The following TRMT5 variants were observed in gnomAD, a reference collection of about 807,000 sequenced individuals.
TRMT5 encodes the protein tRNA (guanine(37)-N(1))-methyltransferase.
TRMT5 carries 31 observed loss-of-function variants against 42.2 expected under a neutral mutation model. The observed-to-expected ratio is 0.73, with a 90% CI of 0.55 to 0.99. TRMT5 has a LOEUF of 0.99. Among genes scored for constraint, TRMT5 ranks in the 50% least tolerant of loss-of-function variants. The pLI is 0.00. For missense variants in TRMT5, 568 were observed against 595.0 expected, an observed-to-expected ratio of 0.95 and a Z score of 0.47; for synonymous variants, 198 against 209.6, an observed-to-expected ratio of 0.94 and a Z score of 0.48.
upstream of TRMT5, chr14:60,981,383 G>GT (rs748154891): frequency 1.1e-5 from 18 of 1,593,034 alleles, no homozygotes; most frequent in Non-Finnish European, 1.4e-5. Flanking sequence ...GCTAAGCAAC[G>GT]TAAGTGGGCT....
chr14:60,975,672 A>G lies in TRMT5; in HGVS notation c.1247T>C (p.Val416Ala), dbSNP rs766158548. Reference sequence around the variant, plus strand: ...ATCTTTGGAAAAGCTATAACAATGCACTATGGGAAGGAACTCACTGCTGCA... The same window carrying G: ...ATCTTTGGAAAAGCTATAACAATGCGCTATGGGAAGGAACTCACTGCTGCA... ...QPCSSEFLPI[V>A]HCYSFSKDAN... Residue 416 changes from valine (V) to alanine (A), a missense_variant, in exon 4 of 5, where the codon GTG (valine) becomes GCG (alanine). Physicochemically the swap from Val to Ala is moderately conservative, Grantham distance 64. Transcript: ENST00000261249. The G allele has an allele frequency of 4.3e-6, 7 of 1,614,234 alleles. No individual in the cohort carries two copies. The South Asian group carries it at 5.5e-5, about 13-fold the overall frequency.
At chr14:60,980,298 G>A (rs1183231952) in intron 1 of TRMT5, among the ~76,000 whole-genome samples, 1 of 152,194 alleles carries the variant, frequency 6.6e-6, no homozygotes, top group Non-Finnish European at 1.5e-5. Context: ...TGCTTATTGT[G>A]TCAGATACTG....
chr14:60,981,151 G>T (rs1410784474), upstream of TRMT5: 3 of 1,542,230 alleles, frequency 1.9e-6, no homozygotes, highest in Admixed American at 2.0e-5. Context: ...CTCCTTCCAG[G>T]CCCTGGTGAA....
intron 3 of TRMT5, 88 bp downstream of exon 3, chr14:60,977,426 A>T: frequency 7.5e-7 from 1 of 1,336,228 alleles, no homozygotes; most frequent in Non-Finnish European, 1.0e-6. Context: ...CCAACACTGG[A>T]TGTTACAAGT....
upstream of TRMT5, chr14:60,981,271 G>T: frequency 6.3e-7 from 1 of 1,596,460 alleles, no homozygotes; most frequent in Middle Eastern, 1.7e-4. Flanking sequence ...GTCAGCTGGA[G>T]AGCAGCATGG....
Position 60,980,789 on chromosome 14 carries a change from G to A in TRMT5, c.11+174C>T, listed in dbSNP as rs529496178. 106 of 945,984 alleles carry A rather than the reference G, an allele frequency of 1.1e-4. No homozygotes were observed. The South Asian group carries it at 1.6e-3, about 14-fold the overall frequency. 58.6% of individuals were successfully genotyped at this position (945,984 alleles called of 1,614,324 possible). A position where few individuals can be genotyped will look rare whatever the true frequency, so the allele number is the denominator to read the frequency against. On this transcript the variant is annotated intron_variant, in intron 1 of 4. Transcript: ENST00000261249. Reference sequence around the variant, plus strand: ...GGTTTTCCCACCAGTAAAATGTGGCGAAAGGCTTTTGAAACATTCCTTACT... The same window carrying A: ...GGTTTTCCCACCAGTAAAATGTGGCAAAAGGCTTTTGAAACATTCCTTACT...
chr14:60,977,462 G>T, intron 3 of TRMT5, 52 bp downstream of exon 3: 2 of 1,534,052 alleles, frequency 1.3e-6, no homozygotes, highest in South Asian at 2.5e-5. Context: ...CATCTATTCT[G>T]ACTCTAAACA....
Position 60,979,710 on chromosome 14 carries a change from G to A in TRMT5, c.188C>T (p.Thr63Ile), listed in dbSNP as rs2139646099. The A allele has an allele frequency of 6.2e-7, 1 of 1,614,108 alleles. No homozygotes were observed. Among genetic ancestry groups the A allele is most frequent in the Non-Finnish European group, 8.5e-7 (1 of 1,180,016 alleles). Residue 63 changes from threonine (T) to isoleucine (I), a missense_variant, in exon 2 of 5, where the codon ACA becomes ATA. Physicochemically the swap from Thr to Ile is moderately conservative, Grantham distance 89. Coordinates refer to ENST00000261249, the MANE Select transcript of TRMT5 (RefSeq NM_020810.3). Reference sequence around the variant, plus strand: ...TTCAGTCTCTCTCTCATGTGTTTCTGTTTCTGGCATGGTTGAGAATCTTTT... The same window carrying A: ...TTCAGTCTCTCTCTCATGTGTTTCTATTTCTGGCATGGTTGAGAATCTTTT... ...QRKRFSTMPE[T>I]ETHERETELF...
In TRMT5 at chr14:60,972,281, A is replaced by G; in HGVS notation, c.*2828T>C. ...CTCCAGCACCTTCCCGCTCCTTGCC[A>G]GCATCAGCTTTTCTCTTTTTCCCTT... On this transcript the variant is annotated 3_prime_UTR_variant, in exon 5 of 5. Coordinates refer to ENST00000261249, the MANE Select transcript of TRMT5 (RefSeq NM_020810.3). The G allele has an allele frequency of 1.9e-6, 1 of 534,962 alleles. No individual in the cohort carries two copies. The highest frequency in any genetic ancestry group is 1.9e-5 in the Admixed American group (1 of 51,932). The allele number at this position is 534,962 out of a possible 1,614,324, so 33.1% of individuals were successfully genotyped here.
chr14:60,981,071 G>C lies in TRMT5; in HGVS notation c.-98C>G, dbSNP rs1257187124. 1 of 1,605,206 alleles carries C rather than the reference G, an allele frequency of 6.2e-7. No individual in the cohort carries two copies. The highest frequency in any genetic ancestry group is 8.5e-7 in the Non-Finnish European group (1 of 1,179,384). ...ATGTGGGTCGCGGGTGGATGGGCGG[G>C]TCTTCTATGACATCATCACTGTTCG... On this transcript the variant is annotated 5_prime_UTR_variant, in exon 1 of 5. Coordinates refer to ENST00000261249, the MANE Select transcript of TRMT5 (RefSeq NM_020810.3).
In TRMT5 at chr14:60,975,942, T is replaced by C. The variant is rs960970151; in HGVS notation, c.977A>G (p.Asn326Ser). 5 of 1,614,104 alleles carry C rather than the reference T, an allele frequency of 3.1e-6. No homozygotes were observed. Among genetic ancestry groups the C allele is most frequent in the Admixed American group, 1.7e-5 (1 of 60,004 alleles). Reference protein sequence around the residue: ...VAKKNCTVFANDLNPESHKWL... With the variant: ...VAKKNCTVFASDLNPESHKWL... The stretch of plus-strand genomic sequence containing the variant: ...TTTATGAGATTCAGGATTGAGATCA[T>C]TGGCAAATACAGTGCAGTTTTTCTT... Residue 326 changes from asparagine (N) to serine (S), a missense_variant, in exon 4 of 5, where the codon AAT (asparagine) becomes AGT (serine). Asn to Ser is a conservative substitution (Grantham distance 46). Transcript: ENST00000261249.
At chr14:60,977,447 T>G (rs1051817855) in intron 3 of TRMT5, 67 bp downstream of exon 3, 24 of 1,465,374 alleles carry the variant, frequency 1.6e-5, no homozygotes, top group Non-Finnish European at 2.1e-5. Context: ...ATTTTAAATC[T>G]TTGTCATCTA....
chr14:60,977,038 T>A (rs1163037003), intron 3 of TRMT5, among the ~76,000 whole-genome samples: 1 of 152,166 alleles, frequency 6.6e-6, no homozygotes, highest in East Asian at 1.9e-4. Flanking sequence ...GTATGTATAT[T>A]TTTTTTCCTT....
chr14:60,981,217 C>T, upstream of TRMT5: 1 of 1,552,438 alleles, frequency 6.4e-7, no homozygotes, highest in Admixed American at 1.9e-5. Context: ...CGACCGACGA[C>T]TGGAGCGCAG....
rs997862608 is a variant in TRMT5, at chr14:60,976,060, T to C, written c.859A>G (p.Thr287Ala). ...AGTTCTGTGATACGGCTGTGTTCTG[T>C]AGACAGACGAGGATTCCAATAGACT... The part of the protein sequence containing the change: ...SKVYWNPRLS[T>A]EHSRITELLK... Residue 287 changes from threonine (T) to alanine (A), a missense_variant, in exon 4 of 5, where the codon ACA becomes GCA. Physicochemically the swap from Thr to Ala is moderately conservative, Grantham distance 58 (BLOSUM62 0). Coordinates refer to ENST00000261249, the MANE Select transcript of TRMT5 (RefSeq NM_020810.3). 1.9e-6 allele frequency: 3 copies of C among 1,614,138 alleles called. No homozygotes were observed. The highest frequency in any genetic ancestry group is 2.5e-6 in the Non-Finnish European group (3 of 1,180,006).
In TRMT5 at chr14:60,973,412, T is replaced by G. The variant is rs1184756744; in HGVS notation, c.*1697A>C. 2 of 152,208 alleles carry G rather than the reference T, an allele frequency of 1.3e-5. No homozygotes were observed. The highest frequency in any genetic ancestry group is 2.9e-5 in the Non-Finnish European group (2 of 68,130). 9.4% of individuals were successfully genotyped at this position (152,208 alleles called of 1,614,324 possible). A position where few individuals can be genotyped will look rare whatever the true frequency, so the allele number is the denominator to read the frequency against. On this transcript the variant is annotated 3_prime_UTR_variant, in exon 5 of 5. Coordinates refer to ENST00000261249, the MANE Select transcript of TRMT5 (RefSeq NM_020810.3). ...TGGCGAAGGCAGGAGCAAGAGAGTG[T>G]GGGGGGCGAGTGCCACATACTTTGA...
At position 60,973,185 on chromosome 14, in the gene TRMT5, A is replaced by T. The variant is rs1393210141; in HGVS notation, c.*1924T>A. ...ATTGTCAAAATGACTGTACCATATC[A>T]AAGTTGTTTTGCCTTGTGTTTTAGG... On this transcript the variant is annotated 3_prime_UTR_variant, in exon 5 of 5. Transcript: ENST00000261249. 2 of 152,222 alleles carry T rather than the reference A, an allele frequency of 1.3e-5. No homozygotes were observed. Among genetic ancestry groups the T allele is most frequent in the Admixed American group, 6.5e-5 (1 of 15,286 alleles). The allele number at this position is 152,222 out of a possible 1,614,324, so 9.4% of individuals were successfully genotyped here. A position where few individuals can be genotyped will look rare whatever the true frequency, so the allele number is the denominator to read the frequency against.
intron 2 of TRMT5, 37 bp downstream of exon 2, chr14:60,979,194 C>A: frequency 2.0e-6 from 3 of 1,501,436 alleles, no homozygotes; most frequent in South Asian, 1.4e-5. Context: ...TTTGCAAATT[C>A]CCTTCAAATA....
rs760861762 is a variant in TRMT5 at position 60,975,210 on chromosome 14, A to G, written c.1445-16T>C. 3.1e-6 allele frequency: 5 copies of G among 1,588,992 alleles called. No individual in the cohort carries two copies. Among genetic ancestry groups the G allele is most frequent in the Non-Finnish European group, 4.3e-6 (5 of 1,170,134 alleles). ...TCATGATTCTCTGTAATAAATCCAG[A>G]AAACCTATTTTAGGTAAGATATTAA... is the stretch of plus-strand genomic sequence containing the variant. On this transcript the variant is annotated splice_polypyrimidine_tract_variant and intron_variant, in intron 4 of 4. Transcript: ENST00000261249.
Sources: gnomAD v4.1 joint callset for allele counts (sites outside exome capture counted in the v4.1 genomes callset) on GRCh38, gnomAD v4.1.1 for gene constraint, MANE v1.5 for transcripts, NCBI Gene and HGNC (gene_info 2026-07-23, HGNC 2026-07-21) for gene names.